LRPAP1: variants seen among roughly 807,000 people sequenced by gnomAD.
The protein encoded by LRPAP1 is LDL receptor related protein associated protein 1.
Under a neutral mutation model 39.9 loss-of-function variants are expected in LRPAP1, and 41 were observed. The ratio of observed to expected loss-of-function variants is 1.03; its 90% CI spans 0.80 to 1.33. LRPAP1 has a LOEUF of 1.33. LRPAP1 is among the 40% of genes most tolerant of loss of function. The pLI, the probability that LRPAP1 is intolerant of heterozygous loss-of-function variation, is 0.00. For missense variants in LRPAP1, 565 were observed against 482.3 expected (o/e 1.17, Z -1.61); for synonymous variants, 263 against 212.7 (o/e 1.24, Z -2.06).
At chr4:3,516,687 G>A (rs1315645874) in intron 5 of LRPAP1, among the ~76,000 whole-genome samples, 3 of 152,248 alleles carry the variant, frequency 2.0e-5, no homozygotes, top group African/African-American at 7.2e-5. Context: ...GCTCCTGGGA[G>A]GAGCCAAACA....
In LRPAP1 at chr4:3,517,970, T is replaced by A. The variant is rs1729772772; in HGVS notation, c.751+64A>T. The A allele has an allele frequency of 2.6e-6, 4 of 1,526,428 alleles. No individual in the cohort carries two copies. In the South Asian group the frequency reaches 5.0e-5, roughly 19 times the overall value. 94.6% of individuals were successfully genotyped at this position (1,526,428 alleles called of 1,614,324 possible). On this transcript the variant is annotated intron_variant, in intron 5 of 7. Coordinates refer to ENST00000650182, the MANE Select transcript of LRPAP1 (RefSeq NM_002337.4). ...GTCGCTACAAGCACCTGCCTGCTTG[T>A]CCCCAAAACACAACCAGAGACGGCC... is the stretch of plus-strand genomic sequence containing the variant.
At chr4:3,526,846 CCT>C (rs1235771098) in intron 1 of LRPAP1, among the ~76,000 whole-genome samples, 2 of 152,202 alleles carry the variant, frequency 1.3e-5, no homozygotes, top group African/African-American at 4.8e-5. Flanking sequence ...TCAGCTCCGC[CCT>C]CTCTTCTCTC....
chr4:3,527,074 G>A (rs916250831), intron 1 of LRPAP1, among the ~76,000 whole-genome samples: 1 of 152,112 alleles, frequency 6.6e-6, no homozygotes, highest in African/African-American at 2.4e-5. Flanking sequence ...GTGGTCCCAG[G>A]ACAGTCTTTT....
chr4:3,532,139 C>G, intron 1 of LRPAP1, 70 bp downstream of exon 1: 1 of 1,513,944 alleles, frequency 6.6e-7, no homozygotes, highest in Non-Finnish European at 8.9e-7. Context: ...ACCCCTGGGC[C>G]CCGCTCCAAC....
At chr4:3,528,327 C>T (rs966965437) in intron 1 of LRPAP1, among the ~76,000 whole-genome samples, 3 of 152,212 alleles carry the variant, frequency 2.0e-5, no homozygotes, top group African/African-American at 7.2e-5. Context: ...CAGACACAAG[C>T]AGAGCCGACC....
At position 3,512,293 on chromosome 4, in the gene LRPAP1, C is replaced by G. The variant is rs1268740872; in HGVS notation, c.*681G>C. The G allele has an allele frequency of 6.6e-6, 1 of 152,462 alleles. No individual in the cohort carries two copies. Among genetic ancestry groups the G allele is most frequent in the Non-Finnish European group, 1.5e-5 (1 of 68,202 alleles). The allele number at this position is 152,462 out of a possible 1,614,324, so 9.4% of individuals were successfully genotyped here. A position where few individuals can be genotyped will look rare whatever the true frequency, so the allele number is the denominator to read the frequency against. On this transcript the variant is annotated 3_prime_UTR_variant, in exon 8 of 8. Transcript: ENST00000650182. ...GCCCTGCAGGTTTGGTGAGGTCTCCCGAGGTCCCTGAGCTGCAGAGGTGAG... is the reference window on the plus strand; with the variant it reads ...GCCCTGCAGGTTTGGTGAGGTCTCCGGAGGTCCCTGAGCTGCAGAGGTGAG...
chr4:3,532,053 G>C, intron 1 of LRPAP1, 156 bp downstream of exon 1: 1 of 821,292 alleles, frequency 1.2e-6, no homozygotes, highest in Non-Finnish European at 1.8e-6. Flanking sequence ...CGCCCCACCT[G>C]ACACTTGGGG....
Position 3,504,644 on chromosome 4 carries a change from C to A in LRPAP1, c.*8330G>T, listed in dbSNP as rs566076078. Among the ~76,000 whole-genome samples the A allele has an allele frequency of 6.7e-6, 1 of 149,020 alleles. No individual in the cohort carries two copies. The highest frequency in any genetic ancestry group is 2.0e-4 in the East Asian group (1 of 4,914). ...AGGGGCCTGTAATCCCAGCTACTTG[C>A]GAGGCTGAGGCAGGAGAATTTCTTG... On this transcript the variant is annotated 3_prime_UTR_variant, in exon 8 of 8. Transcript: ENST00000650182.
At chr4:3,516,871 G>T (rs1265205605) in intron 5 of LRPAP1, among the ~76,000 whole-genome samples, 1 of 152,182 alleles carries the variant, frequency 6.6e-6, no homozygotes, top group Non-Finnish European at 1.5e-5. Flanking sequence ...GGACCCCGAG[G>T]ACCCTGGGCT....
At chr4:3,514,202 C>T (rs1729622468) in intron 7 of LRPAP1, among the ~76,000 whole-genome samples, 1 of 152,240 alleles carries the variant, frequency 6.6e-6, no homozygotes, top group Admixed American at 6.5e-5. Context: ...TAGGCCTTTG[C>T]TATTTTTGAA....
chr4:3,505,597 C>T lies in LRPAP1; in HGVS notation c.*7377G>A, dbSNP rs144860657. Among the ~76,000 whole-genome samples the T allele has an allele frequency of 2.7e-4, 41 of 152,320 alleles. No homozygotes were observed. Among genetic ancestry groups the T allele is most frequent in the African/African-American group, 8.7e-4 (36 of 41,566 alleles). On this transcript the variant is annotated 3_prime_UTR_variant, in exon 8 of 8. Transcript: ENST00000650182. ...CTTCCAGCTGCACCAGCAGCCCACA[C>T]GCCTCCTGAGCACCACTACCAGCTA...
At chr4:3,514,170 A>C (rs1044550205) in intron 7 of LRPAP1, among the ~76,000 whole-genome samples, 4 of 152,080 alleles carry the variant, frequency 2.6e-5, no homozygotes, top group Non-Finnish European at 4.4e-5. Context: ...TCCTATCAGA[A>C]CTTCTACCTT....
chr4:3,504,731 T>TTGAG lies in LRPAP1; in HGVS notation c.*8239_*8242dup, dbSNP rs61489246. 0.69 allele frequency among the ~76,000 whole-genome samples: 94,613 copies of TTGAG among 137,458 alleles called. 33,239 individuals are homozygous for TTGAG. The highest frequency in any genetic ancestry group is 0.91 in the East Asian group (4,248 of 4,660). 90.2% of individuals were successfully genotyped at this position (137,458 alleles called of 152,430 possible). On this transcript the variant is annotated 3_prime_UTR_variant, in exon 8 of 8. Coordinates refer to ENST00000650182, the MANE Select transcript of LRPAP1 (RefSeq NM_002337.4). The stretch of plus-strand genomic sequence containing the variant: ...CGCCATTGCACTGCAGCCTGAGCAA[T>TTGAG]TGAGATTCCATCTCAAAAAAAAAAA...
At chr4:3,528,579 C>A (rs1267266218) in intron 1 of LRPAP1, among the ~76,000 whole-genome samples, 1 of 152,222 alleles carries the variant, frequency 6.6e-6, no homozygotes, top group Non-Finnish European at 1.5e-5. Context: ...GCCAATGGAC[C>A]ACCTCTTCAG....
intron 1 of LRPAP1, among the ~76,000 whole-genome samples, chr4:3,527,917 GA>G (rs1730128122): frequency 6.6e-6 from 1 of 152,228 alleles, no homozygotes; most frequent in Admixed American, 6.5e-5. Context: ...ACCCACAGGG[GA>G]AAGTCATTTT....
chr4:3,530,941 G>T (rs1730232321), intron 1 of LRPAP1, among the ~76,000 whole-genome samples: 1 of 152,032 alleles, frequency 6.6e-6, no homozygotes, highest in African/African-American at 2.4e-5. Flanking sequence ...TGGGGAGGGG[G>T]GACTCCACCC....
intron 6 of LRPAP1, among the ~76,000 whole-genome samples, chr4:3,515,358 G>A (rs1216227324): frequency 6.6e-6 from 1 of 152,178 alleles, no homozygotes; most frequent in Non-Finnish European, 1.5e-5. Context: ...TCCAGACCCA[G>A]GGCCCTCCAT....
chr4:3,505,704 C>A lies in LRPAP1; in HGVS notation c.*7270G>T, dbSNP rs546123888. ...CCGTCTATACCAGCTACCCCAAGAC[C>A]GTCTATACCAGCTACGCCAAGACCG... On this transcript the variant is annotated 3_prime_UTR_variant, in exon 8 of 8. Transcript: ENST00000650182. 1.8e-4 allele frequency among the ~76,000 whole-genome samples: 28 copies of A among 152,296 alleles called. No individual in the cohort carries two copies. The highest frequency in any genetic ancestry group is 6.7e-4 in the African/African-American group (28 of 41,584).
At position 3,508,779 on chromosome 4, in the gene LRPAP1, A is replaced by G. The variant is rs577726987; in HGVS notation, c.*4195T>C. On this transcript the variant is annotated 3_prime_UTR_variant, in exon 8 of 8. Coordinates refer to ENST00000650182, the MANE Select transcript of LRPAP1 (RefSeq NM_002337.4). Reference sequence around the variant, plus strand: ...AGGAAAAGCCCTCAGCAAATGAGGAAGCTCTTCTGCCTGTAAGTGCACCAG... The same window carrying G: ...AGGAAAAGCCCTCAGCAAATGAGGAGGCTCTTCTGCCTGTAAGTGCACCAG... 6.6e-6 allele frequency: 1 copy of G among 152,198 alleles called. No homozygotes were observed. Among genetic ancestry groups the G allele is most frequent in the Non-Finnish European group, 1.5e-5 (1 of 68,038 alleles). The allele number at this position is 152,198 out of a possible 1,614,324, so 9.4% of individuals were successfully genotyped here. A position where few individuals can be genotyped will look rare whatever the true frequency, so the allele number is the denominator to read the frequency against.
Sources: allele counts gnomAD v4.1 joint callset (sites outside exome capture counted in the v4.1 genomes callset), GRCh38; gene constraint gnomAD v4.1.1; transcripts MANE v1.5; gene names NCBI Gene and HGNC (gene_info 2026-07-23, HGNC 2026-07-21).